Variants in ACBD6 observed in about 807,000 individuals in gnomAD.
ACBD6 encodes acyl-CoA-binding domain-containing protein 6.
In ACBD6, 28 loss-of-function variants were observed where a neutral mutation model predicts 37.2. The observed-to-expected ratio is 0.75, with a 90% CI of 0.56 to 1.03. The LOEUF (loss-of-function observed/expected upper bound fraction) is 1.03, where lower values mean the gene tolerates loss of function less well. Among genes scored for constraint, ACBD6 ranks in the 50% least tolerant of loss-of-function variants. ACBD6 has a pLI of 0.00. For synonymous variants in ACBD6, 113 were observed against 126.8 expected (o/e 0.89, Z 0.73); for missense variants, 340 against 337.4 (o/e 1.01, Z -0.06).
At chr1:180,444,441 T>C (rs1649402613) in intron 3 of ACBD6, among the ~76,000 whole-genome samples, 1 of 152,324 alleles carries the variant, frequency 6.6e-6, no homozygotes, top group South Asian at 2.1e-4. Context: ...AGAATACACA[T>C]GGTCACAATG....
At chr1:180,348,214 G>C (rs1652267939) in intron 6 of ACBD6, among the ~76,000 whole-genome samples, 1 of 152,104 alleles carries the variant, frequency 6.6e-6, no homozygotes, top group African/African-American at 2.4e-5. Context: ...TGCTCCTTTT[G>C]GGCAAATTAA....
chr1:180,272,187 G>C (rs545294541), intron 13 of ACBD6, among the ~76,000 whole-genome samples: 1 of 152,236 alleles, frequency 6.6e-6, no homozygotes, highest in African/African-American at 2.4e-5. Flanking sequence ...CCATGGGACA[G>C]GAGTAGGAAA....
chr1:180,405,290 C>T (rs946807543), intron 5 of ACBD6, among the ~76,000 whole-genome samples: 4 of 151,850 alleles, frequency 2.6e-5, no homozygotes, highest in Non-Finnish European at 1.5e-5. Flanking sequence ...TGTTAGGAGC[C>T]ACAGATTTAA....
intron 6 of ACBD6, among the ~76,000 whole-genome samples, chr1:180,384,477 GTTA>G (rs1407863673): frequency 6.6e-6 from 1 of 152,206 alleles, no homozygotes; most frequent in East Asian, 1.9e-4. Context: ...AGTTAGAATG[GTTA>G]TTATTAAAAG....
intron 6 of ACBD6, among the ~76,000 whole-genome samples, chr1:180,380,240 T>A (rs548398561): frequency 1.8e-4 from 28 of 151,394 alleles, no homozygotes; most frequent in Admixed American, 1.8e-3. Context: ...CACAGTGAGA[T>A]CATGTGGCAA....
chr1:180,293,276 G>C (rs904751050), intron 7 of ACBD6, among the ~76,000 whole-genome samples: 7 of 149,144 alleles, frequency 4.7e-5, no homozygotes, highest in African/African-American at 1.5e-4. Context: ...CTATTTTCTG[G>C]AAGTGTTTGT....
intron 6 of ACBD6, among the ~76,000 whole-genome samples, chr1:180,373,324 CAG>C (rs1227822617): frequency 2.6e-5 from 4 of 152,122 alleles, no homozygotes; most frequent in African/African-American, 9.7e-5. Flanking sequence ...GCTGCTATTT[CAG>C]AGTTTCATTA....
At chr1:180,308,656 TG>T (rs2149288091) in intron 7 of ACBD6, among the ~76,000 whole-genome samples, 1 of 152,324 alleles carries the variant, frequency 6.6e-6, no homozygotes, top group East Asian at 1.9e-4. Flanking sequence ...TATAGCCTTT[TG>T]AAGGTCCTGG....
At chr1:180,367,369 T>C (rs1653090186) in intron 6 of ACBD6, among the ~76,000 whole-genome samples, 1 of 152,224 alleles carries the variant, frequency 6.6e-6, no homozygotes, top group African/African-American at 2.4e-5. Context: ...CCGAGGGGGA[T>C]ACATTTCTTT....
chr1:180,462,460 A>G (rs1200992345), intron 3 of ACBD6, among the ~76,000 whole-genome samples: 1 of 152,200 alleles, frequency 6.6e-6, no homozygotes, highest in Non-Finnish European at 1.5e-5. Context: ...ACAGACTTTA[A>G]ATCATCAAGA....
intron 7 of ACBD6, among the ~76,000 whole-genome samples, chr1:180,309,653 G>A (rs1053390234): frequency 3.3e-5 from 5 of 152,212 alleles, no homozygotes; most frequent in South Asian, 2.1e-4. Context: ...ACTCTAGACC[G>A]TAGGGCAAAT....
intron 6 of ACBD6, among the ~76,000 whole-genome samples, chr1:180,348,787 G>C (rs903205602): frequency 2.9e-4 from 44 of 152,040 alleles, no homozygotes; most frequent in African/African-American, 1.0e-3. Context: ...CTTATTTCTT[G>C]TCTGCTATAT....
intron 3 of ACBD6, among the ~76,000 whole-genome samples, chr1:180,484,369 T>C (rs959065142): frequency 6.6e-6 from 1 of 152,242 alleles, no homozygotes; most frequent in Non-Finnish European, 1.5e-5. Context: ...AAGATTCCTA[T>C]TGAGAACTTT....
chr1:180,430,256 C>T lies in ACBD6; in HGVS notation c.391G>A (p.Glu131Lys). Reference sequence around the variant, plus strand: ...GTATTTGCTTCTTTTCCTTTCTTCTCTGGTATCTGTGGGAAGGAGAAAAAA... The same window carrying T: ...GTATTTGCTTCTTTTCCTTTCTTCTTTGGTATCTGTGGGAAGGAGAAAAAA... Reference protein sequence around the residue: ...LDPGWNPQIPEKKGKEANTGF... With the variant: ...LDPGWNPQIPKKKGKEANTGF... Residue 131 changes from glutamate to lysine, a missense_variant, in exon 4 of 8, where the codon GAG (glutamate) becomes AAG (lysine). Coordinates refer to ENST00000367595, the MANE Select transcript of ACBD6 (RefSeq NM_032360.4). 2 of 1,612,788 alleles carry T rather than the reference C, an allele frequency of 1.2e-6. No individual in the cohort carries two copies. The highest frequency in any genetic ancestry group is 4.5e-5 in the East Asian group (2 of 44,802).
chr1:180,498,961 A>G (rs1468802977), intron 1 of ACBD6, among the ~76,000 whole-genome samples: 4 of 152,128 alleles, frequency 2.6e-5, no homozygotes, highest in Non-Finnish European at 4.4e-5. Context: ...AGCTATCTTT[A>G]GGAGGGAGAG....
intron 6 of ACBD6, among the ~76,000 whole-genome samples, chr1:180,335,975 A>C (rs1056448150): frequency 5.2e-4 from 79 of 151,834 alleles, no homozygotes; most frequent in Admixed American, 1.4e-3. Context: ...TCCTAAATAT[A>C]TATGCACCCA....
chr1:180,332,098 G>A (rs1216182398), intron 6 of ACBD6, among the ~76,000 whole-genome samples: 1 of 152,188 alleles, frequency 6.6e-6, no homozygotes, highest in East Asian at 1.9e-4. Flanking sequence ...GCAAACACCA[G>A]AAGCCCGAAG....
At chr1:180,458,747 G>A (rs1009902395) in intron 3 of ACBD6, among the ~76,000 whole-genome samples, 2 of 152,188 alleles carry the variant, frequency 1.3e-5, no homozygotes, top group African/African-American at 4.8e-5. Context: ...TGTAAAGTTA[G>A]AGCTAAGTCT....
intron 6 of ACBD6, among the ~76,000 whole-genome samples, chr1:180,366,220 A>G (rs1345329835): frequency 2.0e-5 from 3 of 152,208 alleles, no homozygotes; most frequent in African/African-American, 7.2e-5. Context: ...CCTGAATTCA[A>G]TGAGGAAGAA....
Sources: gnomAD v4.1 joint callset for allele counts (sites outside exome capture counted in the v4.1 genomes callset) on GRCh38, gnomAD v4.1.1 for gene constraint, MANE v1.5 for transcripts, NCBI Gene and HGNC (gene_info 2026-07-23, HGNC 2026-07-21) for gene names.